RFX4: variants seen among roughly 807,000 people sequenced by gnomAD.
RFX4 encodes the protein transcription factor RFX4.
In RFX4, 10 loss-of-function variants were observed where a neutral mutation model predicts 95.0. The observed-to-expected ratio is 0.11, with a 90% confidence interval of 0.06 to 0.18. The LOEUF is 0.18. RFX4 is among the 10% of genes least tolerant of loss of function. The probability of loss-of-function intolerance (pLI) is 1.00; values close to 1 mark genes in which losing one functional copy is unlikely to be tolerated. For synonymous variants in RFX4, 321 were observed against 340.7 expected (o/e 0.94, Z 0.64); for missense variants, 640 against 922.0 (o/e 0.69, Z 3.96).
chr12:106,624,385 C>T (rs1300449450), intron 2 of RFX4, among the ~76,000 whole-genome samples: 1 of 152,096 alleles, frequency 6.6e-6, no homozygotes, highest in South Asian at 2.1e-4. Flanking sequence ...AGCGCAGTGT[C>T]GCGATCTTGG....
At chr12:106,623,791 AC>A (rs1377883816) in intron 2 of RFX4, among the ~76,000 whole-genome samples, 9 of 152,358 alleles carry the variant, frequency 5.9e-5, no homozygotes, top group Middle Eastern at 3.4e-3. Flanking sequence ...TCTCAAAAAA[AC>A]AAAAATCCAG....
chr12:106,761,328 T>A lies in RFX4; in HGVS notation c.2067T>A (p.Ser689=). The change falls in exon 18 of 18, where the codon TCT becomes TCA. Residue 689 remains serine (S), a synonymous_variant. Transcript: ENST00000392842. ...PSANTCYTSP[S]VHSARYGNSS... ...CCAACACGTGCTACACAAGCCCGTC[T>A]GTGCATTCTGCGAGGTACGGAAACT... 1 of 1,614,128 alleles carries A rather than the reference T, an allele frequency of 6.2e-7. No homozygotes were observed. Among genetic ancestry groups the A allele is most frequent in the Non-Finnish European group, 8.5e-7 (1 of 1,180,022 alleles).
chr12:106,750,881 C>CACAGTA, intron 17 of RFX4, 88 bp downstream of exon 17: 1 of 1,254,326 alleles, frequency 8.0e-7, no homozygotes, highest in Non-Finnish European at 1.0e-6. Context: ...GTTATGCATA[C>CACAGTA]TGTGTGTGCA....
chr12:106,629,762 C>T (rs774906708), intron 2 of RFX4, among the ~76,000 whole-genome samples: 46 of 152,110 alleles, frequency 3.0e-4, no homozygotes, highest in Non-Finnish European at 4.7e-4. Context: ...CATGAGCCAC[C>T]ATGCCCAGTC....
In RFX4 at chr12:106,720,973, G is replaced by A; in HGVS notation, c.1351+97G>A. The A allele has an allele frequency of 9.8e-7, 1 of 1,022,160 alleles. No individual in the cohort carries two copies. The allele number at this position is 1,022,160 out of a possible 1,614,324, so 63.3% of individuals were successfully genotyped here. A position where few individuals can be genotyped will look rare whatever the true frequency, so the allele number is the denominator to read the frequency against. On this transcript the variant is annotated intron_variant, in intron 13 of 17. Transcript: ENST00000392842. This position sits in a 1 kb window ranked among gnomAD's most constrained non-coding sequence, Gnocchi z 4.2. ...ACAGTCTAACTTGCTGTTTCTGCAA[G>A]GTCATCACCCTGAAACACATCTCTT...
intron 8 of RFX4, among the ~76,000 whole-genome samples, chr12:106,698,693 CTCT>C (rs1410611352): frequency 6.6e-6 from 1 of 151,446 alleles, no homozygotes; most frequent in East Asian, 1.9e-4. Context: ...AGTGTTCCCT[CTCT>C]TCTTTTTTTT....
At chr12:106,640,778 C>CTTTT (rs34232717) in intron 3 of RFX4, among the ~76,000 whole-genome samples, 11 of 123,604 alleles carry the variant, frequency 8.9e-5, no homozygotes, top group South Asian at 2.6e-4. Flanking sequence ...AATTGACAGA[C>CTTTT]TTTTTTTTTT....
In RFX4 at chr12:106,757,452, G is replaced by A. The variant is rs896532747; in HGVS notation, c.1936-3745G>A. 2.0e-5 allele frequency among the ~76,000 whole-genome samples: 3 copies of A among 151,882 alleles called. 1 individual carries two copies. In the South Asian group the frequency reaches 6.2e-4, roughly 32 times the overall value. Reference sequence around the variant, plus strand: ...AGTCCCAGCTACTTGAGAGGCTCAGGTGGGAGGATCACTTAAGCCTGGGAG... The same window carrying A: ...AGTCCCAGCTACTTGAGAGGCTCAGATGGGAGGATCACTTAAGCCTGGGAG... On this transcript the variant is annotated intron_variant, in intron 17 of 17. Coordinates refer to ENST00000392842, the MANE Select transcript of RFX4 (RefSeq NM_213594.3).
chr12:106,731,999 A>T, intron 13 of RFX4, 131 bp from the exon 14 acceptor site: 1 of 1,327,170 alleles, frequency 7.5e-7, no homozygotes, highest in Non-Finnish European at 1.0e-6. Context: ...TGAGGAGATC[A>T]TAATTGAGTG....
At chr12:106,592,060 T>C (rs1403731025) in intron 1 of RFX4, among the ~76,000 whole-genome samples, 1 of 152,170 alleles carries the variant, frequency 6.6e-6, no homozygotes, top group Middle Eastern at 3.2e-3. Context: ...TTCAGTAAGA[T>C]TGCACGTGTT....
intron 11 of RFX4, among the ~76,000 whole-genome samples, chr12:106,719,480 G>C (rs1349619233): frequency 6.6e-6 from 1 of 152,194 alleles, no homozygotes; most frequent in Non-Finnish European, 1.5e-5. Flanking sequence ...AGAACTAGCA[G>C]GGAGACACAC....
intron 8 of RFX4, among the ~76,000 whole-genome samples, chr12:106,698,586 C>A (rs2041928380): frequency 6.6e-6 from 1 of 152,120 alleles, no homozygotes; most frequent in Non-Finnish European, 1.5e-5. Context: ...GTTATTTGAT[C>A]AATAACGAAA....
chr12:106,736,447 G>T (rs969288157), intron 15 of RFX4, among the ~76,000 whole-genome samples: 1 of 152,118 alleles, frequency 6.6e-6, no homozygotes, highest in African/African-American at 2.4e-5. Flanking sequence ...ATGCTCACTA[G>T]GTTAAGGACC....
intron 6 of RFX4, among the ~76,000 whole-genome samples, chr12:106,689,075 T>C (rs1477713987): frequency 6.6e-6 from 1 of 152,120 alleles, no homozygotes; most frequent in Non-Finnish European, 1.5e-5. Flanking sequence ...AGAAACACAC[T>C]CGTGCTGTGT....
At chr12:106,624,849 A>C (rs552587898) in intron 2 of RFX4, among the ~76,000 whole-genome samples, 27 of 152,250 alleles carry the variant, frequency 1.8e-4, no homozygotes, top group African/African-American at 6.3e-4. Context: ...GCAGGAAAAA[A>C]TTAACGATTG....
At chr12:106,684,656 C>T (rs2041602748) in intron 5 of RFX4, 2 of 1,431,352 alleles carry the variant, frequency 1.4e-6, no homozygotes, top group Non-Finnish European at 1.8e-6. Context: ...AACTGTCATC[C>T]CACCTGAAGC....
chr12:106,722,181 T>C (rs2042408946), intron 13 of RFX4, among the ~76,000 whole-genome samples: 1 of 152,234 alleles, frequency 6.6e-6, no homozygotes, highest in Non-Finnish European at 1.5e-5. Context: ...TCTGGAAAAA[T>C]CATTCATGCA....
chr12:106,642,442 C>A (rs372780815), intron 3 of RFX4, among the ~76,000 whole-genome samples: 4 of 151,844 alleles, frequency 2.6e-5, no homozygotes, highest in African/African-American at 9.7e-5. Context: ...ATAGTGAGAC[C>A]CTGTCTCTGC....
chr12:106,749,475 G>T (rs2042959147), intron 16 of RFX4, among the ~76,000 whole-genome samples: 1 of 152,100 alleles, frequency 6.6e-6, no homozygotes, highest in Admixed American at 6.5e-5. Context: ...ATAGGTTCAA[G>T]TGCCCCTGAG....
Sources: allele counts gnomAD v4.1 joint callset (sites outside exome capture counted in the v4.1 genomes callset), GRCh38; gene constraint gnomAD v4.1.1; non-coding constraint Gnocchi (gnomAD v3.1); transcripts MANE v1.5; gene names NCBI Gene and HGNC (gene_info 2026-07-23, HGNC 2026-07-21).